The following RAD54L2 variants were observed in gnomAD, a reference collection of about 807,000 sequenced individuals.
RAD54L2 encodes RAD54 like 2, also known as helicase ARIP4.
In RAD54L2, 27 loss-of-function variants were observed where a neutral mutation model predicts 138.4. That is an observed-to-expected ratio of 0.20 (90% CI 0.14 to 0.27). RAD54L2 has a LOEUF of 0.27. RAD54L2 is among the 10% of genes least tolerant of loss of function. The pLI, the probability that RAD54L2 is intolerant of heterozygous loss-of-function variation, is 1.00. For synonymous variants in RAD54L2, 644 were observed against 723.2 expected, an observed-to-expected ratio of 0.89 and a Z score of 1.76; for missense variants, 1,396 against 1,890.2, an observed-to-expected ratio of 0.74 and a Z score of 4.85.
At chr3:51,587,135 G>C (rs1207229608) in intron 2 of RAD54L2, among the ~76,000 whole-genome samples, 1 of 150,016 alleles carries the variant, frequency 6.7e-6, no homozygotes, top group Non-Finnish European at 1.5e-5. Flanking sequence ...GAGTCTCGCT[G>C]TGTCGCCCAG....
chr3:51,568,389 A>C (rs995891074), intron 2 of RAD54L2, among the ~76,000 whole-genome samples: 3 of 152,190 alleles, frequency 2.0e-5, no homozygotes, highest in African/African-American at 7.2e-5. Context: ...ACTTGAGACT[A>C]GGTCACAAGA....
intron 2 of RAD54L2, among the ~76,000 whole-genome samples, chr3:51,586,956 G>A (rs146178802): frequency 1.3e-3 from 199 of 152,244 alleles, no homozygotes; most frequent in African/African-American, 3.9e-3. Context: ...AGTAGTTACT[G>A]ATGAATATAC....
chr3:51,558,650 T>C (rs559010658), intron 2 of RAD54L2, among the ~76,000 whole-genome samples: 1 of 152,106 alleles, frequency 6.6e-6, no homozygotes, highest in African/African-American at 2.4e-5. Context: ...CTTTAATTAT[T>C]GTAGAGATGG....
At chr3:51,597,970 G>A (rs1359151020) in intron 3 of RAD54L2, among the ~76,000 whole-genome samples, 5 of 145,306 alleles carry the variant, frequency 3.4e-5, no homozygotes, top group African/African-American at 1.0e-4. Context: ...AAAAAAAAAA[G>A]AATGAATATC....
At chr3:51,559,040 A>T (rs550195976) in intron 2 of RAD54L2, among the ~76,000 whole-genome samples, 1 of 151,444 alleles carries the variant, frequency 6.6e-6, no homozygotes, top group Non-Finnish European at 1.5e-5. Flanking sequence ...CACCTGGCAA[A>T]TTTTTTGTAT....
chr3:51,663,546 G>C lies in RAD54L2; in HGVS notation c.*126G>C. 1.9e-6 allele frequency: 2 copies of C among 1,032,328 alleles called. No homozygotes were observed. Among genetic ancestry groups the C allele is most frequent in the Non-Finnish European group, 2.7e-6 (2 of 744,604 alleles). 63.9% of individuals were successfully genotyped at this position (1,032,328 alleles called of 1,614,324 possible). A position where few individuals can be genotyped will look rare whatever the true frequency, so the allele number is the denominator to read the frequency against. ...AGGGAAAAGGAAGAGGACAAAGGAG[G>C]GTGGTTGGCCAAAGTGGCAGAGCTC... On this transcript the variant is annotated 3_prime_UTR_variant, in exon 23 of 23. Transcript: ENST00000684192.
At chr3:51,621,276 C>T (rs888393469) in intron 3 of RAD54L2, among the ~76,000 whole-genome samples, 4 of 152,096 alleles carry the variant, frequency 2.6e-5, no homozygotes, top group African/African-American at 9.7e-5. Flanking sequence ...TTGTTGAACC[C>T]AGAAGCTGAG....
At chr3:51,625,303 A>G (rs1319671903) in intron 3 of RAD54L2, among the ~76,000 whole-genome samples, 2 of 152,152 alleles carry the variant, frequency 1.3e-5, no homozygotes, top group African/African-American at 4.8e-5. Flanking sequence ...CTGTAATCCC[A>G]GCTACTCGGG....
chr3:51,640,815 C>T (rs1431343335), intron 14 of RAD54L2, among the ~76,000 whole-genome samples: 1 of 152,122 alleles, frequency 6.6e-6, no homozygotes, highest in Non-Finnish European at 1.5e-5. Flanking sequence ...GTGTTTAGTG[C>T]TGAATGCTAT....
At chr3:51,632,696 A>G (rs1217046845) in intron 7 of RAD54L2, among the ~76,000 whole-genome samples, 2 of 149,746 alleles carry the variant, frequency 1.3e-5, no homozygotes, top group Non-Finnish European at 3.0e-5. Context: ...GATTGAGACC[A>G]TCCTGGCCAA....
chr3:51,652,760 C>T (rs1178417301), intron 19 of RAD54L2, among the ~76,000 whole-genome samples: 1 of 152,144 alleles, frequency 6.6e-6, no homozygotes, highest in East Asian at 1.9e-4. Flanking sequence ...CTTCCTTACA[C>T]CTTATACAAA....
In RAD54L2 at chr3:51,667,740, A is replaced by T. The variant is rs1425082028; in HGVS notation, c.*4320A>T. The T allele has an allele frequency of 6.6e-6, 1 of 152,200 alleles. No individual in the cohort carries two copies. The highest frequency in any genetic ancestry group is 1.5e-5 in the Non-Finnish European group (1 of 68,074). 9.4% of individuals were successfully genotyped at this position (152,200 alleles called of 1,614,324 possible). ...CTGTGTATTCTGCTGTGATCCCCTT[A>T]ACGGCTTTTCTGTGCTACTAGCTTA... On this transcript the variant is annotated 3_prime_UTR_variant, in exon 23 of 23. Transcript: ENST00000684192.
chr3:51,557,932 C>A (rs1034137477), intron 2 of RAD54L2, among the ~76,000 whole-genome samples: 7 of 151,998 alleles, frequency 4.6e-5, no homozygotes, highest in African/African-American at 1.7e-4. Flanking sequence ...GCAACCTTCA[C>A]CTCCCAAGGC....
intron 1 of RAD54L2, among the ~76,000 whole-genome samples, chr3:51,539,596 G>T (rs1303454916): frequency 6.6e-6 from 1 of 152,126 alleles, no homozygotes; most frequent in Non-Finnish European, 1.5e-5. Flanking sequence ...CTGTCTTGTC[G>T]TTAGGGTGAG....
chr3:51,575,882 A>C (rs920140246), intron 2 of RAD54L2, among the ~76,000 whole-genome samples: 2 of 152,082 alleles, frequency 1.3e-5, no homozygotes. Context: ...TTCCAACACT[A>C]TGTTGGATAG....
chr3:51,607,081 TTTTTA>T (rs1700201734), intron 3 of RAD54L2, among the ~76,000 whole-genome samples: 1 of 149,170 alleles, frequency 6.7e-6, no homozygotes, highest in Admixed American at 6.7e-5. Context: ...TTTTTTTATT[TTTTTA>T]TTTTTTATTT....
intron 3 of RAD54L2, among the ~76,000 whole-genome samples, chr3:51,624,483 C>T (rs1577433943): frequency 6.6e-6 from 1 of 152,048 alleles, no homozygotes; most frequent in Non-Finnish European, 1.5e-5. Flanking sequence ...TGGTCTCAAA[C>T]TCCTGGGCTC....
intron 3 of RAD54L2, among the ~76,000 whole-genome samples, chr3:51,594,066 C>CTTTTTTTTTTTTTTTT (rs904101025): frequency 8.6e-5 from 9 of 105,128 alleles, no homozygotes; most frequent in African/African-American, 1.1e-4. Context: ...TTTTCTTTTT[C>CTTTTTTTTTTTTTTTT]TTTTTTTTTT....
chr3:51,584,937 A>G (rs1271892115), intron 2 of RAD54L2, among the ~76,000 whole-genome samples: 2 of 151,450 alleles, frequency 1.3e-5, no homozygotes, highest in Non-Finnish European at 2.9e-5. Context: ...TCCCAAGTAG[A>G]TGGGACTACA....
Sources: allele counts gnomAD v4.1 joint callset (sites outside exome capture counted in the v4.1 genomes callset), GRCh38; gene constraint gnomAD v4.1.1; transcripts MANE v1.5; gene names NCBI Gene and HGNC (gene_info 2026-07-23, HGNC 2026-07-21).